Variants in EPN1 observed in about 807,000 individuals in gnomAD.
EPN1 encodes the protein epsin 1, also known as epsin-1.
A neutral mutation model predicts 56.9 loss-of-function variants in EPN1; 25 were observed. That is an observed-to-expected ratio of 0.44 (90% CI 0.32 to 0.61). The LOEUF (loss-of-function observed/expected upper bound fraction) is 0.61. EPN1 is among the 20% of genes least tolerant of loss of function. The pLI is 0.05. For missense variants in EPN1, 785 were observed against 823.7 expected, an observed-to-expected ratio of 0.95 and a Z score of 0.58; for synonymous variants, 411 against 361.8, an observed-to-expected ratio of 1.14 and a Z score of -1.54.
rs1266376356 is a variant in EPN1 at position 55,685,644 on chromosome 19, G to A, written c.477G>A (p.Thr159=). ...KTKEKLAQTA[T]ASSAAVGSGP... Reference sequence around the variant, plus strand: ...AGGAAAAGCTGGCACAGACCGCCACGGGTGAGTCCCTCCCTGCGGCCCCTG... The same window carrying A: ...AGGAAAAGCTGGCACAGACCGCCACAGGTGAGTCCCTCCCTGCGGCCCCTG... Residue 159 remains threonine, a splice_region_variant and synonymous_variant, in exon 3 of 11, where the codon ACG becomes ACA. Coordinates refer to ENST00000270460, the MANE Select transcript of EPN1 (RefSeq NM_001130072.2). 7.5e-6 allele frequency: 12 copies of A among 1,593,086 alleles called. No individual in the cohort carries two copies. The highest frequency in any genetic ancestry group is 5.2e-5 in the Admixed American group (3 of 57,500).
Position 55,695,215 on chromosome 19 carries a change from G to T in EPN1, c.1590G>T (p.Leu530=). The part of the protein sequence containing the change: ...FQPAPPATLT[L]NQLRLSPVPP... ...CCGCGCCTCCCGCGACGCTCACCCTGAACCAGCTCCGTCTCAGTCCTGTGC... is the reference window on the plus strand; with the variant it reads ...CCGCGCCTCCCGCGACGCTCACCCTTAACCAGCTCCGTCTCAGTCCTGTGC... The change falls in exon 11 of 11, where the codon CTG becomes CTT. Residue 530 remains leucine (L), a synonymous_variant. Coordinates refer to ENST00000270460, the MANE Select transcript of EPN1 (RefSeq NM_001130072.2). The surrounding 1 kb of genome is among the most constrained non-coding windows in gnomAD (Gnocchi z 4.4). The T allele has an allele frequency of 6.2e-7, 1 of 1,613,402 alleles. No individual in the cohort carries two copies.
Position 55,702,539 on chromosome 19 carries a change from T to TTATC in EPN1, c.*7185_*7188dup, listed in dbSNP as rs1987192687. 6.6e-6 allele frequency: 1 copy of TTATC among 152,208 alleles called. No homozygotes were observed. The highest frequency in any genetic ancestry group is 2.1e-4 in the South Asian group (1 of 4,830). 9.4% of individuals were successfully genotyped at this position (152,208 alleles called of 1,614,324 possible). A position where few individuals can be genotyped will look rare whatever the true frequency, so the allele number is the denominator to read the frequency against. On this transcript the variant is annotated 3_prime_UTR_variant, in exon 11 of 11. Transcript: ENST00000270460. Reference sequence around the variant, plus strand: ...CCTCCCAAGTCTGTGCCCGAGTTGCTTATCTGTGTTTTACAGCCTGAAAGA... The same window carrying TTATC: ...CCTCCCAAGTCTGTGCCCGAGTTGCTTATCTATCTGTGTTTTACAGCCTGAAAGA...
Position 55,689,293 on chromosome 19 carries a change from C to G in EPN1, c.604-4C>G, listed in dbSNP as rs1397194315. 6.5e-7 allele frequency: 1 copy of G among 1,548,826 alleles called. No homozygotes were observed. Among genetic ancestry groups the G allele is most frequent in the East Asian group, 2.5e-5 (1 of 40,806 alleles). On this transcript the variant is annotated splice_region_variant and splice_polypyrimidine_tract_variant and intron_variant, in intron 4 of 10. Transcript: ENST00000270460. The surrounding 1 kb of genome is among the most constrained non-coding windows in gnomAD (Gnocchi z 5.7). ...TCATGCCCCTCACACTCTCTCTCCCCCAGCCCCCGTCCTGCGGCCCCGAGG... is the reference window on the plus strand; with the variant it reads ...TCATGCCCCTCACACTCTCTCTCCCGCAGCCCCCGTCCTGCGGCCCCGAGG...
chr19:55,690,206 G>C (rs901716655), intron 6 of EPN1, among the ~76,000 whole-genome samples: 3 of 152,212 alleles, frequency 2.0e-5, no homozygotes, highest in African/African-American at 7.2e-5. Context: ...AGCACCGTGA[G>C]GGCCACCACC....
intron 9 of EPN1, 74 bp downstream of exon 9, chr19:55,693,111 T>C: frequency 6.8e-7 from 1 of 1,472,088 alleles, no homozygotes. Context: ...CGTCCCTTGC[T>C]GTCTTTGTCC....
rs2122209632 is a variant in EPN1, at chr19:55,691,611, C to T, written c.763-143C>T. The T allele has an allele frequency of 1.4e-6, 1 of 694,862 alleles. No homozygotes were observed. The highest frequency in any genetic ancestry group is 2.4e-6 in the Non-Finnish European group (1 of 410,648). The allele number at this position is 694,862 out of a possible 1,614,324, so 43.0% of individuals were successfully genotyped here. ...GGAGGCCAGGTGGTGTGTTTGGGGCCTGCCTCCCTCTCACCCCTTATGGAT... is the reference window on the plus strand; with the variant it reads ...GGAGGCCAGGTGGTGTGTTTGGGGCTTGCCTCCCTCTCACCCCTTATGGAT... On this transcript the variant is annotated intron_variant, in intron 6 of 10. Transcript: ENST00000270460. This position sits in a 1 kb window ranked among gnomAD's most constrained non-coding sequence, Gnocchi z 5.6.
chr19:55,683,700 G>A (rs1294965276), intron 2 of EPN1, among the ~76,000 whole-genome samples: 3 of 152,218 alleles, frequency 2.0e-5, no homozygotes, highest in South Asian at 2.1e-4. Flanking sequence ...CTGTGTGAGC[G>A]TGCCATAGTT....
chr19:55,705,081 A>C lies in EPN1; in HGVS notation c.*9725A>C, dbSNP rs1475171126. ...ACACAGTGAATGTGCTACTCAAGCC[A>C]CTCAGCCTGGGCTGCAGAGGTTGGA... On this transcript the variant is annotated 3_prime_UTR_variant, in exon 11 of 11. Transcript: ENST00000270460. 6.6e-6 allele frequency: 1 copy of C among 152,174 alleles called. No homozygotes were observed. 9.4% of individuals were successfully genotyped at this position (152,174 alleles called of 1,614,324 possible). A position where few individuals can be genotyped will look rare whatever the true frequency, so the allele number is the denominator to read the frequency against.
chr19:55,706,192 C>A lies in EPN1; in HGVS notation c.*10836C>A. ...CTTCTTCCTCTTCCTCCTTTTTCTC[C>A]TCCTTTCTTCCTTTATTTTTCTTTC... is the stretch of plus-strand genomic sequence containing the variant. On this transcript the variant is annotated 3_prime_UTR_variant, in exon 11 of 11. Coordinates refer to ENST00000270460, the MANE Select transcript of EPN1 (RefSeq NM_001130072.2). 1 of 158,630 alleles carries A rather than the reference C, an allele frequency of 6.3e-6. No homozygotes were observed. The highest frequency in any genetic ancestry group is 1.7e-4 in the South Asian group (1 of 6,002). 9.8% of individuals were successfully genotyped at this position (158,630 alleles called of 1,614,324 possible).
rs753356427 is a variant in EPN1 at position 55,708,945 on chromosome 19, G to C, written c.*13589G>C. The C allele has an allele frequency of 1.9e-6, 3 of 1,569,924 alleles. No individual in the cohort carries two copies. The highest frequency in any genetic ancestry group is 2.6e-6 in the Non-Finnish European group (3 of 1,162,968). ...GCACACCCCTGATCTTGTATTCCTC[G>C]TCAATCCAAGGTCCATGTGAAATGG... On this transcript the variant is annotated 3_prime_UTR_variant, in exon 11 of 11. Coordinates refer to ENST00000270460, the MANE Select transcript of EPN1 (RefSeq NM_001130072.2).
At position 55,687,350 on chromosome 19, in the gene EPN1, G is replaced by T. The variant is rs969163946; in HGVS notation, c.479-1520G>T. 6.6e-5 allele frequency among the ~76,000 whole-genome samples: 10 copies of T among 152,134 alleles called. 1 individual carries two copies. Among genetic ancestry groups the T allele is most frequent in the African/African-American group, 2.4e-4 (10 of 41,414 alleles). On this transcript the variant is annotated intron_variant, in intron 3 of 10. Transcript: ENST00000270460. ...TGAGACCCTCAGTGGGCAGGGAAGG[G>T]CCTGTGGTCCCCGGGCAGCACCGAG...
chr19:55,676,922 C>T (rs1179292560), intron 1 of EPN1: 1 of 450,552 alleles, frequency 2.2e-6, no homozygotes, highest in Non-Finnish European at 4.0e-6. Flanking sequence ...TCAGAACTGT[C>T]TTCTATTTCT....
chr19:55,709,313 G>A lies in EPN1; in HGVS notation c.*13957G>A. The A allele has an allele frequency of 4.6e-6, 1 of 217,796 alleles. No homozygotes were observed. The highest frequency in any genetic ancestry group is 9.0e-6 in the Non-Finnish European group (1 of 111,512). 13.5% of individuals were successfully genotyped at this position (217,796 alleles called of 1,614,324 possible). ...AATTTAAGTTAAAAAGAAAAACACA[G>A]GATAACTTCCATTCATCTGATGTTC... On this transcript the variant is annotated 3_prime_UTR_variant, in exon 11 of 11. Coordinates refer to ENST00000270460, the MANE Select transcript of EPN1 (RefSeq NM_001130072.2).
intron 7 of EPN1, 153 bp from the exon 8 acceptor site, chr19:55,692,533 T>G: frequency 1.9e-6 from 1 of 516,070 alleles, no homozygotes; most frequent in Non-Finnish European, 3.4e-6. Context: ...CCAGTTGGAA[T>G]TTGAGTGTGT....
chr19:55,702,262 C>T lies in EPN1; in HGVS notation c.*6906C>T, dbSNP rs1987178002. 6.6e-6 allele frequency: 1 copy of T among 152,518 alleles called. No homozygotes were observed. Among genetic ancestry groups the T allele is most frequent in the Non-Finnish European group, 1.5e-5 (1 of 68,316 alleles). The allele number at this position is 152,518 out of a possible 1,614,324, so 9.4% of individuals were successfully genotyped here. The stretch of plus-strand genomic sequence containing the variant: ...AGGCGTGAGCCACCGCGCCGGGCCC[C>T]CACCCCATTCTTTGATCCTGCAGGC... On this transcript the variant is annotated 3_prime_UTR_variant, in exon 11 of 11. Transcript: ENST00000270460.
Position 55,691,834 on chromosome 19 carries a change from C to T in EPN1, c.843C>T (p.Pro281=). Residue 281 remains proline, a synonymous_variant, in exon 7 of 11, where the codon CCC becomes CCT. Coordinates refer to ENST00000270460, the MANE Select transcript of EPN1 (RefSeq NM_001130072.2). The surrounding 1 kb of genome is among the most constrained non-coding windows in gnomAD (Gnocchi z 5.6). ...PTTDPWGGPA[P]MAAAVPTAAP... ...CAGACCCCTGGGGGGGCCCAGCACC[C>T]ATGGCTGCTGCCGTCCCCACGGCTG... 1 of 1,608,774 alleles carries T rather than the reference C, an allele frequency of 6.2e-7. No homozygotes were observed. The highest frequency in any genetic ancestry group is 1.3e-5 in the African/African-American group (1 of 74,942).
At position 55,691,534 on chromosome 19, in the gene EPN1, C is replaced by G. The variant is rs188179703; in HGVS notation, c.763-220C>G. On this transcript the variant is annotated intron_variant, in intron 6 of 10. Transcript: ENST00000270460. The surrounding 1 kb of genome is among the most constrained non-coding windows in gnomAD (Gnocchi z 5.6). ...TGTGTTGGGGCTCCCTGGTGGTACCCTCGGGTGGGGTAGGTGGGCAGGGGT... is the reference window on the plus strand; with the variant it reads ...TGTGTTGGGGCTCCCTGGTGGTACCGTCGGGTGGGGTAGGTGGGCAGGGGT... Among the ~76,000 whole-genome samples the G allele has an allele frequency of 4.0e-5, 6 of 151,452 alleles. No individual in the cohort carries two copies. The East Asian group carries it at 1.2e-3, about 30-fold the overall frequency.
At position 55,708,547 on chromosome 19, in the gene EPN1, T is replaced by A. The variant is rs1258870152; in HGVS notation, c.*13191T>A. On this transcript the variant is annotated 3_prime_UTR_variant, in exon 11 of 11. Coordinates refer to ENST00000270460, the MANE Select transcript of EPN1 (RefSeq NM_001130072.2). ...TCTATAGACACATTCTAGCATCACT[T>A]CTGTGTCAGAAGTATCCGGATTGTG... 1.2e-5 allele frequency: 2 copies of A among 164,136 alleles called. No homozygotes were observed. Among genetic ancestry groups the A allele is most frequent in the Non-Finnish European group, 2.6e-5 (2 of 76,366 alleles). The allele number at this position is 164,136 out of a possible 1,614,324, so 10.2% of individuals were successfully genotyped here.
intron 1 of EPN1, chr19:55,677,249 C>T (rs1985499599): frequency 7.9e-7 from 1 of 1,268,756 alleles, no homozygotes; most frequent in Non-Finnish European, 1.1e-6. Context: ...GGCTGAACCT[C>T]TGTGTCTCAG....
Sources: gnomAD v4.1 joint callset for allele counts (sites outside exome capture counted in the v4.1 genomes callset) on GRCh38, gnomAD v4.1.1 for gene constraint, Gnocchi (gnomAD v3.1) non-coding constraint, MANE v1.5 for transcripts, NCBI Gene and HGNC (gene_info 2026-07-23, HGNC 2026-07-21) for gene names.